PLEKHA7: variants seen among roughly 807,000 people sequenced by gnomAD.
The protein encoded by PLEKHA7 is pleckstrin homology domain-containing family A member 7.
Under a neutral mutation model 170.0 loss-of-function variants are expected in PLEKHA7, and 104 were observed. The observed-to-expected ratio is 0.61, with a 90% CI of 0.52 to 0.72. The LOEUF (loss-of-function observed/expected upper bound fraction) is 0.72. Among genes scored for constraint, PLEKHA7 ranks in the 30% least tolerant of loss-of-function variants. The probability of loss-of-function intolerance (pLI) is 0.00; values close to 1 mark genes in which losing one functional copy is unlikely to be tolerated. For synonymous variants in PLEKHA7, 648 were observed against 660.8 expected (o/e 0.98, Z 0.30); for missense variants, 1,615 against 1,671.7 (o/e 0.97, Z 0.59).
intron 3 of PLEKHA7, among the ~76,000 whole-genome samples, chr11:16,890,780 A>G (rs1019492658): frequency 6.6e-6 from 1 of 152,222 alleles, no homozygotes; most frequent in Non-Finnish European, 1.5e-5. Context: ...AAAATCATAC[A>G]TTGTTTTAAA....
intron 10 of PLEKHA7, among the ~76,000 whole-genome samples, chr11:16,818,089 A>ACAGT (rs10658441): frequency 0.67 from 100,962 of 151,576 alleles, 34,242 homozygotes; most frequent in South Asian, 0.84. Context: ...CTGGTGCCTG[A>ACAGT]CAGCCTCACC....
chr11:16,976,142 C>T (rs1037070582), intron 3 of PLEKHA7, among the ~76,000 whole-genome samples: 8 of 152,348 alleles, frequency 5.3e-5, no homozygotes, highest in South Asian at 4.1e-4. Flanking sequence ...AAAAAGAAAG[C>T]CCCTGGAATT....
intron 3 of PLEKHA7, among the ~76,000 whole-genome samples, chr11:16,952,074 A>G (rs1861437958): frequency 6.6e-6 from 1 of 152,228 alleles, no homozygotes; most frequent in Non-Finnish European, 1.5e-5. Context: ...CAAAATGGAT[A>G]CACACAGGTC....
chr11:16,956,159 G>A lies in PLEKHA7; in HGVS notation c.221+57830C>T, dbSNP rs75278841. Among the ~76,000 whole-genome samples the A allele has an allele frequency of 5.0e-3, 768 of 152,184 alleles. 19 individuals carry two copies. Among genetic ancestry groups the A allele is most frequent in the East Asian group, 0.015 (77 of 5,174 alleles). The stretch of plus-strand genomic sequence containing the variant: ...CAGAGCAGCTCAGAGGAGTATGTAC[G>A]TATGTGTGTGTACACATACGTACCT... On this transcript the variant is annotated intron_variant, in intron 3 of 26. Coordinates refer to ENST00000531066, the MANE Select transcript of PLEKHA7 (RefSeq NM_001329630.2).
intron 13 of PLEKHA7, among the ~76,000 whole-genome samples, chr11:16,807,783 C>A (rs949762012): frequency 1.3e-5 from 2 of 152,146 alleles, no homozygotes; most frequent in Non-Finnish European, 2.9e-5. Flanking sequence ...GGATCTCAGC[C>A]CTTGCTGAAC....
intron 3 of PLEKHA7, among the ~76,000 whole-genome samples, chr11:16,909,368 G>A (rs1459345297): frequency 6.6e-6 from 1 of 152,160 alleles, no homozygotes; most frequent in East Asian, 1.9e-4. Context: ...CCAAAAATCA[G>A]TGACAACCAC....
chr11:17,009,543 C>T (rs1238851789), intron 3 of PLEKHA7, among the ~76,000 whole-genome samples: 2 of 152,196 alleles, frequency 1.3e-5, no homozygotes, highest in African/African-American at 4.8e-5. Flanking sequence ...GTTAATGACA[C>T]TATTATCACA....
At chr11:16,867,117 G>A (rs1854459664) in intron 4 of PLEKHA7, among the ~76,000 whole-genome samples, 1 of 152,102 alleles carries the variant, frequency 6.6e-6, no homozygotes. Context: ...GACACCTGGG[G>A]GTGAAGAGAA....
chr11:16,798,317 GGGAAA>G (rs1848372127), intron 17 of PLEKHA7, among the ~76,000 whole-genome samples: 1 of 152,186 alleles, frequency 6.6e-6, no homozygotes, highest in Non-Finnish European at 1.5e-5. Flanking sequence ...GTGCCACTTA[GGGAAA>G]GTGTGAGCAG....
intron 24 of PLEKHA7, 117 bp from the exon 25 acceptor site, chr11:16,783,950 A>G: frequency 9.1e-7 from 1 of 1,095,054 alleles, no homozygotes; most frequent in South Asian, 3.3e-5. Flanking sequence ...ACAGAGACTA[A>G]GTAACTTGCT....
chr11:16,907,453 C>A (rs1857886281), intron 3 of PLEKHA7, among the ~76,000 whole-genome samples: 1 of 121,260 alleles, frequency 8.2e-6, no homozygotes, highest in South Asian at 2.7e-4. Flanking sequence ...TGCCTGGCCG[C>A]CCCTACTGGG....
intron 21 of PLEKHA7, 70 bp downstream of exon 21, chr11:16,790,728 G>T: frequency 6.8e-7 from 1 of 1,471,864 alleles, no homozygotes; most frequent in Non-Finnish European, 9.4e-7. Context: ...AAGGGTACGA[G>T]GCACCAGCTG....
intron 10 of PLEKHA7, among the ~76,000 whole-genome samples, chr11:16,821,005 T>A (rs574366028): frequency 6.6e-6 from 1 of 152,102 alleles, no homozygotes; most frequent in Admixed American, 6.5e-5. Flanking sequence ...TAACAGCAGA[T>A]CCATTTGCTG....
intron 12 of PLEKHA7, among the ~76,000 whole-genome samples, chr11:16,814,085 C>T (rs971931223): frequency 1.3e-5 from 2 of 152,142 alleles, no homozygotes; most frequent in Non-Finnish European, 2.9e-5. Context: ...ACAAACCACA[C>T]GAAGAGTTGA....
In PLEKHA7 at chr11:16,778,041, G is replaced by A. The variant is rs1442689711; in HGVS notation, c.*957C>T. Reference sequence around the variant, plus strand: ...TCCCAACACTTTGGGATGCTGAAGCGGATGAATCACCTGAGGTCAGGAGTT... The same window carrying A: ...TCCCAACACTTTGGGATGCTGAAGCAGATGAATCACCTGAGGTCAGGAGTT... On this transcript the variant is annotated 3_prime_UTR_variant, in exon 27 of 27. Transcript: ENST00000531066. The A allele has an allele frequency of 2.6e-5, 4 of 152,102 alleles. No individual in the cohort carries two copies. Among genetic ancestry groups the A allele is most frequent in the Admixed American group, 6.6e-5 (1 of 15,262 alleles). 9.4% of individuals were successfully genotyped at this position (152,102 alleles called of 1,614,324 possible).
chr11:16,858,992 A>G (rs1158192513), intron 4 of PLEKHA7, among the ~76,000 whole-genome samples: 3 of 152,188 alleles, frequency 2.0e-5, no homozygotes, highest in Non-Finnish European at 4.4e-5. Flanking sequence ...AACACACATG[A>G]AGACAGCTTG....
chr11:17,004,555 G>C (rs1305402717), intron 3 of PLEKHA7, among the ~76,000 whole-genome samples: 1 of 151,936 alleles, frequency 6.6e-6, no homozygotes, highest in African/African-American at 2.4e-5. Flanking sequence ...ACCATACCCA[G>C]CTAATTTTTG....
intron 3 of PLEKHA7, among the ~76,000 whole-genome samples, chr11:16,906,446 G>C (rs1437859243): frequency 5.6e-5 from 8 of 142,140 alleles, no homozygotes; most frequent in Non-Finnish European, 7.5e-5. Flanking sequence ...TCAGCCTGCC[G>C]AGTGCCTGCG....
At chr11:16,815,585 C>T (rs1442213792) in intron 12 of PLEKHA7, among the ~76,000 whole-genome samples, 3 of 152,106 alleles carry the variant, frequency 2.0e-5, no homozygotes, top group East Asian at 1.9e-4. Flanking sequence ...AGTGCAGCAG[C>T]GTGATCTCGG....
Sources: gnomAD v4.1 joint callset for allele counts (sites outside exome capture counted in the v4.1 genomes callset) on GRCh38, gnomAD v4.1.1 for gene constraint, MANE v1.5 for transcripts, NCBI Gene and HGNC (gene_info 2026-07-23, HGNC 2026-07-21) for gene names.